The following KDM5A variants were observed in gnomAD, a reference collection of about 807,000 sequenced individuals.
KDM5A encodes lysine demethylase 5A, also known as lysine-specific demethylase 5A.
Under a neutral mutation model 193.5 loss-of-function variants are expected in KDM5A, and 42 were observed. The ratio of observed to expected loss-of-function variants is 0.22; its 90% CI spans 0.17 to 0.28. The LOEUF (loss-of-function observed/expected upper bound fraction) is 0.28, where lower values mean the gene tolerates loss of function less well. Ranked by LOEUF, KDM5A falls within the 10% of genes least tolerant of loss-of-function variation. The pLI is 1.00. For missense variants in KDM5A, 1,692 were observed against 2,055.1 expected (o/e 0.82, Z 3.42); for synonymous variants, 796 against 718.1 (o/e 1.11, Z -1.73).
chr12:387,133 A>G, intron 1 of KDM5A: 1 of 228,974 alleles, frequency 4.4e-6, no homozygotes, highest in Admixed American at 5.9e-5. Context: ...AACTAAAATT[A>G]GATAGCATAT....
intron 7 of KDM5A, among the ~76,000 whole-genome samples, chr12:354,929 T>C (rs893793754): frequency 6.6e-6 from 1 of 152,090 alleles, no homozygotes; most frequent in African/African-American, 2.4e-5. Flanking sequence ...TTCATTTTCA[T>C]GCTCTCACTT....
At chr12:380,148 G>A (rs1944556956) in intron 3 of KDM5A, among the ~76,000 whole-genome samples, 1 of 151,806 alleles carries the variant, frequency 6.6e-6, no homozygotes, top group South Asian at 2.1e-4. Flanking sequence ...TGCGCCTGTA[G>A]TCCCAGCTGC....
chr12:296,802 C>T (rs886596209), intron 25 of KDM5A, among the ~76,000 whole-genome samples: 1 of 152,178 alleles, frequency 6.6e-6, no homozygotes, highest in African/African-American at 2.4e-5. Context: ...GACTAGATGG[C>T]CCCTCAAGTT....
rs1012115159 is a variant in KDM5A, at chr12:328,958, T to C, written c.1845A>G (p.Glu615=). ...GATCTGCTGCCATCTTGAAAATTAG[T>C]TCCTCGTGTGAAAAGACACAGTGGC... ...LRRHCVFSHE[E]LIFKMAADPE... is the part of the protein sequence containing the mutation. Residue 615 remains glutamate, a synonymous_variant, in exon 14 of 28, where the codon GAA becomes GAG. Transcript: ENST00000399788. 2 of 1,614,090 alleles carry C rather than the reference T, an allele frequency of 1.2e-6. No individual in the cohort carries two copies. The highest frequency in any genetic ancestry group is 1.7e-6 in the Non-Finnish European group (2 of 1,180,032).
chr12:315,825 T>G (rs111941259), intron 19 of KDM5A, among the ~76,000 whole-genome samples: 94 of 152,160 alleles, frequency 6.2e-4, no homozygotes, highest in African/African-American at 2.2e-3. Flanking sequence ...CATTAATGAG[T>G]CCAATTTTGG....
rs182989828 is a variant in KDM5A at position 306,221 on chromosome 12, C to T, written c.4074+725G>A. On this transcript the variant is annotated intron_variant, in intron 24 of 27. Coordinates refer to ENST00000399788, the MANE Select transcript of KDM5A (RefSeq NM_001042603.3). ...CTCCTGGGCTCAAGTGATCCTTCCA[C>T]CTCAGTCTCCCCTAAATTGTTAGGT... 5.1e-3 allele frequency among the ~76,000 whole-genome samples: 783 copies of T among 152,084 alleles called. 4 individuals are homozygous for T. Among genetic ancestry groups the T allele is most frequent in the Non-Finnish European group, 8.9e-3 (602 of 67,996 alleles).
At chr12:290,766 A>T (rs1019484900) in intron 27 of KDM5A, among the ~76,000 whole-genome samples, 1 of 152,202 alleles carries the variant, frequency 6.6e-6, no homozygotes, top group Non-Finnish European at 1.5e-5. Context: ...AGACAACAGG[A>T]ATAATGGATG....
chr12:308,163 G>A (rs1307737027), intron 22 of KDM5A, among the ~76,000 whole-genome samples, 158 bp from the exon 23 acceptor site: 7 of 152,166 alleles, frequency 4.6e-5, no homozygotes, highest in Non-Finnish European at 1.0e-4. Flanking sequence ...CATTCCTCAA[G>A]TGTGAAATGG....
chr12:336,740 C>T lies in KDM5A; in HGVS notation c.1309-2318G>A, dbSNP rs943461029. ...CCTGTGGCCCCAGATACTCAGGAGG[C>T]TGAGGCAGTGCTTGAACCCAGGAGG... On this transcript the variant is annotated intron_variant, in intron 10 of 27. Transcript: ENST00000399788. Among the ~76,000 whole-genome samples the T allele has an allele frequency of 4.0e-5, 6 of 151,542 alleles. No homozygotes were observed. The South Asian group carries it at 6.2e-4, about 16-fold the overall frequency.
intron 3 of KDM5A, among the ~76,000 whole-genome samples, chr12:368,458 G>A (rs552378348): frequency 3.3e-5 from 5 of 152,224 alleles, no homozygotes; most frequent in East Asian, 1.9e-4. Flanking sequence ...TTGGCCAGGC[G>A]TCGTGGCTCA....
chr12:334,758 T>A (rs1943905787), intron 10 of KDM5A, among the ~76,000 whole-genome samples: 1 of 152,004 alleles, frequency 6.6e-6, no homozygotes, highest in African/African-American at 2.4e-5. Flanking sequence ...GCCAGTAGCA[T>A]AATTTCCTAA....
chr12:325,210 G>A (rs1045304224), intron 14 of KDM5A, among the ~76,000 whole-genome samples: 2 of 152,094 alleles, frequency 1.3e-5, no homozygotes, highest in African/African-American at 4.8e-5. Flanking sequence ...GTTTCAAAAT[G>A]CATTGCACGT....
intron 25 of KDM5A, 66 bp downstream of exon 25, chr12:296,975 T>G: frequency 6.6e-7 from 1 of 1,509,744 alleles, no homozygotes; most frequent in Non-Finnish European, 9.2e-7. Context: ...CAGTCTTGAT[T>G]AACATAATGC....
At chr12:288,116 T>G (rs1259229758) in intron 27 of KDM5A, among the ~76,000 whole-genome samples, 1 of 152,198 alleles carries the variant, frequency 6.6e-6, no homozygotes, top group Non-Finnish European at 1.5e-5. Flanking sequence ...TTTATCATGT[T>G]CATCTACTAA....
chr12:295,173 T>TA (rs1459850634), intron 26 of KDM5A, among the ~76,000 whole-genome samples: 2 of 151,900 alleles, frequency 1.3e-5, no homozygotes, highest in Non-Finnish European at 2.9e-5. Flanking sequence ...TTTTTCAACT[T>TA]AGATACTACC....
At chr12:310,402 G>A (rs552493644) in intron 21 of KDM5A, among the ~76,000 whole-genome samples, 4 of 152,248 alleles carry the variant, frequency 2.6e-5, no homozygotes, top group South Asian at 2.1e-4. Context: ...AGACTGAGGC[G>A]GGCGCATCAC....
intron 10 of KDM5A, among the ~76,000 whole-genome samples, chr12:347,603 A>C (rs565671400): frequency 6.6e-6 from 1 of 152,320 alleles, no homozygotes; most frequent in South Asian, 2.1e-4. Flanking sequence ...CTCAGAAATA[A>C]CACCACATAT....
At chr12:311,895 G>A (rs11062355) in intron 20 of KDM5A, among the ~76,000 whole-genome samples, 10,710 of 152,172 alleles carry the variant, frequency 0.07, 844 homozygotes, top group East Asian at 0.35. Flanking sequence ...TTAGCTAGGC[G>A]TGCTGGCATG....
chr12:340,478 G>C (rs900976407), intron 10 of KDM5A, among the ~76,000 whole-genome samples: 4 of 152,048 alleles, frequency 2.6e-5, no homozygotes, highest in African/African-American at 9.7e-5. Flanking sequence ...GGCAAATCAT[G>C]AGGTCAGTAG....
Sources: allele counts gnomAD v4.1 joint callset (sites outside exome capture counted in the v4.1 genomes callset), GRCh38; gene constraint gnomAD v4.1.1; transcripts MANE v1.5; gene names NCBI Gene and HGNC (gene_info 2026-07-23, HGNC 2026-07-21).